Variants in RANBP10 observed in about 807,000 individuals in gnomAD.
The protein encoded by RANBP10 is ran-binding protein 10.
A neutral mutation model predicts 72.8 loss-of-function variants in RANBP10; 24 were observed. The observed-to-expected ratio is 0.33, with a 90% CI of 0.24 to 0.46. The LOEUF (loss-of-function observed/expected upper bound fraction) is 0.46, where lower values mean the gene tolerates loss of function less well. RANBP10 is among the 20% of genes least tolerant of loss of function. RANBP10 has a pLI of 1.00. For synonymous variants in RANBP10, 310 were observed against 322.3 expected (o/e 0.96, Z 0.41); for missense variants, 679 against 817.5 (o/e 0.83, Z 2.07).
chr16:67,728,555 T>C (rs1488052108), intron 10 of RANBP10, 44 bp from the exon 11 acceptor site: 2 of 1,613,126 alleles, frequency 1.2e-6, no homozygotes, highest in Non-Finnish European at 1.7e-6. Context: ...GGGGGTGTGG[T>C]TGGAGCAGCC....
intron 1 of RANBP10, among the ~76,000 whole-genome samples, chr16:67,805,883 C>G (rs887533072): frequency 6.6e-6 from 1 of 152,212 alleles, no homozygotes; most frequent in African/African-American, 2.4e-5. Flanking sequence ...GGAAGACACC[C>G]CCCAAACTCT....
In RANBP10 at chr16:67,805,884, C is replaced by G. The variant is rs2055396791; in HGVS notation, c.236-345G>C. On this transcript the variant is annotated intron_variant, in intron 1 of 13. Coordinates refer to ENST00000317506, the MANE Select transcript of RANBP10 (RefSeq NM_020850.3). ...GATGAGGCCGACCTGGAAGACACCCCCCAAACTCTAGCACGGAACCCCAGG... is the reference window on the plus strand; with the variant it reads ...GATGAGGCCGACCTGGAAGACACCCGCCAAACTCTAGCACGGAACCCCAGG... Among the ~76,000 whole-genome samples the G allele has an allele frequency of 2.0e-5, 3 of 152,212 alleles. 1 individual carries two copies. The highest frequency in any genetic ancestry group is 7.2e-5 in the African/African-American group (3 of 41,462).
intron 13 of RANBP10, among the ~76,000 whole-genome samples, chr16:67,726,965 C>A (rs960405091): frequency 6.6e-6 from 1 of 152,184 alleles, no homozygotes; most frequent in Non-Finnish European, 1.5e-5. Context: ...TGGGAACCAC[C>A]CAGGTAGCTA....
At chr16:67,755,330 G>A (rs2054267487) in intron 3 of RANBP10, among the ~76,000 whole-genome samples, 1 of 152,150 alleles carries the variant, frequency 6.6e-6, no homozygotes, top group African/African-American at 2.4e-5. Context: ...TGAGAGTTGT[G>A]ACCTGCACTA....
intron 2 of RANBP10, among the ~76,000 whole-genome samples, chr16:67,782,329 G>C (rs529259439): frequency 3.9e-5 from 6 of 152,160 alleles, no homozygotes; most frequent in Middle Eastern, 3.4e-3. Flanking sequence ...GATTTGCCCT[G>C]TTGCCTAGGC....
chr16:67,792,217 G>A (rs2055041408), intron 2 of RANBP10, among the ~76,000 whole-genome samples: 1 of 151,310 alleles, frequency 6.6e-6, no homozygotes, highest in Non-Finnish European at 1.5e-5. Context: ...CTAAGAGGAA[G>A]GGCATTACAG....
At chr16:67,776,111 C>CTCCA (rs2054700218) in intron 2 of RANBP10, among the ~76,000 whole-genome samples, 2 of 150,818 alleles carry the variant, frequency 1.3e-5, no homozygotes, top group African/African-American at 2.4e-5. Flanking sequence ...CACCACTGCA[C>CTCCA]TCCAGCCTGA....
rs970921065 is a variant in RANBP10, at chr16:67,727,669, T to C, written c.1620+82A>G. On this transcript the variant is annotated intron_variant, in intron 12 of 13. Transcript: ENST00000317506. ...CTGGCTGGAGCCCACTCTTTCCTGC[T>C]GCCCCCTGGACTCTCCCAGAGCCAC... The C allele has an allele frequency of 3.0e-5, 48 of 1,592,674 alleles. No homozygotes were observed. In the South Asian group the frequency reaches 5.4e-4, roughly 18 times the overall value.
intron 3 of RANBP10, among the ~76,000 whole-genome samples, chr16:67,757,686 G>A (rs1432585562): frequency 6.6e-6 from 1 of 152,208 alleles, no homozygotes; most frequent in Non-Finnish European, 1.5e-5. Flanking sequence ...TGGATAATGG[G>A]AAAGCAAAAG....
rs756625027 is a variant in RANBP10 at position 67,729,328 on chromosome 16, T to A, written c.1304A>T (p.Asp435Val). ...SVNYSESNST[D>V]STKSQHHSST... ...GCTGTGGTGCTGGGACTTGGTGGAGTCTGTTGAGTTGGACTCGGAGTAATT... is the reference window on the plus strand; with the variant it reads ...GCTGTGGTGCTGGGACTTGGTGGAGACTGTTGAGTTGGACTCGGAGTAATT... The change falls in exon 10 of 14, where the codon GAC (aspartate) becomes GTC (valine). Residue 435 changes from aspartate to valine, a missense_variant. Asp to Val is a radical substitution (Grantham distance 152). Coordinates refer to ENST00000317506, the MANE Select transcript of RANBP10 (RefSeq NM_020850.3). This position sits in a 1 kb window ranked among gnomAD's most constrained non-coding sequence, Gnocchi z 7.1. 2.4e-5 allele frequency: 38 copies of A among 1,611,916 alleles called. No homozygotes were observed. Among genetic ancestry groups the A allele is most frequent in the Admixed American group, 5.0e-5 (3 of 59,944 alleles).
intron 2 of RANBP10, among the ~76,000 whole-genome samples, chr16:67,787,813 T>C (rs901359358): frequency 6.6e-6 from 1 of 152,042 alleles, no homozygotes; most frequent in Non-Finnish European, 1.5e-5. Context: ...CCAGCCTGGG[T>C]AACATAGCGA....
chr16:67,794,496 T>G (rs940188847), intron 2 of RANBP10, among the ~76,000 whole-genome samples: 7 of 150,064 alleles, frequency 4.7e-5, no homozygotes, highest in African/African-American at 1.7e-4. Flanking sequence ...GTAGACTTTA[T>G]CAGGTATTAA....
intron 2 of RANBP10, among the ~76,000 whole-genome samples, chr16:67,780,682 G>A (rs1324208623): frequency 6.6e-6 from 1 of 152,242 alleles, no homozygotes; most frequent in Non-Finnish European, 1.5e-5. Context: ...TCCCATGGAA[G>A]ATGACAAGGG....
chr16:67,744,320 G>C lies in RANBP10; in HGVS notation c.536C>G (p.Thr179Ser). Residue 179 changes from threonine to serine, a missense_variant, in exon 4 of 14, where the codon ACC becomes AGC. Physicochemically the swap from Thr to Ser is moderately conservative, Grantham distance 58. Transcript: ENST00000317506. ...GTGGCCATTCTTGGTGTAGAAGCAG[G>C]TGCCATTGATGAGGTTGACACAGCA... is the stretch of plus-strand genomic sequence containing the variant. ...IGCCVNLINGTCFYTKNGHSL... is the reference protein window; with the variant it reads ...IGCCVNLINGSCFYTKNGHSL... The C allele has an allele frequency of 1.9e-6, 3 of 1,614,224 alleles. No individual in the cohort carries two copies. Among genetic ancestry groups the C allele is most frequent in the Non-Finnish European group, 2.5e-6 (3 of 1,180,038 alleles).
chr16:67,781,441 T>C (rs2054807662), intron 2 of RANBP10, among the ~76,000 whole-genome samples: 1 of 152,120 alleles, frequency 6.6e-6, no homozygotes, highest in Non-Finnish European at 1.5e-5. Context: ...CTAGAATAGA[T>C]AGAGCAGCTT....
chr16:67,788,560 T>C (rs1034853565), intron 2 of RANBP10, among the ~76,000 whole-genome samples: 2 of 150,360 alleles, frequency 1.3e-5, no homozygotes, highest in African/African-American at 2.5e-5. Flanking sequence ...CCAGCCCTTT[T>C]TTTTGTATTT....
intron 4 of RANBP10, among the ~76,000 whole-genome samples, chr16:67,740,081 C>T (rs1172966369): frequency 6.6e-6 from 1 of 150,904 alleles, no homozygotes; most frequent in Non-Finnish European, 1.5e-5. Context: ...CTGCAAGCTC[C>T]GCCTCCCAGG....
At chr16:67,727,976 C>T (rs1021142827) in intron 11 of RANBP10, 80 bp from the exon 12 acceptor site, 1 of 1,508,018 alleles carries the variant, frequency 6.6e-7, no homozygotes, top group Admixed American at 1.7e-5. Context: ...AGGAAGGACC[C>T]CGGGTGGGCT....
chr16:67,736,813 G>A (rs1184224886), intron 5 of RANBP10, among the ~76,000 whole-genome samples: 1 of 152,244 alleles, frequency 6.6e-6, no homozygotes, highest in Admixed American at 6.5e-5. Context: ...AGGTAAGAGG[G>A]AAGGATTCTG....
Sources: gnomAD v4.1 joint callset for allele counts (sites outside exome capture counted in the v4.1 genomes callset) on GRCh38, gnomAD v4.1.1 for gene constraint, Gnocchi (gnomAD v3.1) non-coding constraint, MANE v1.5 for transcripts, NCBI Gene and HGNC (gene_info 2026-07-23, HGNC 2026-07-21) for gene names.